Variants in UBAP2 observed in about 807,000 individuals in gnomAD.
UBAP2 encodes the protein ubiquitin-associated protein 2.
In UBAP2, 75 loss-of-function variants were observed where a neutral mutation model predicts 139.6. The observed-to-expected ratio is 0.54, with a 90% confidence interval of 0.45 to 0.65. UBAP2 has a LOEUF of 0.65. UBAP2 is among the 30% of genes least tolerant of loss of function. UBAP2 has a pLI of 0.00. For missense variants in UBAP2, 1,368 were observed against 1,369.6 expected (o/e 1.00, Z 0.02); for synonymous variants, 526 against 526.2 (o/e 1.00, Z 0.01).
chr9:34,013,288 G>T (rs546254161), intron 2 of UBAP2, among the ~76,000 whole-genome samples: 1 of 151,746 alleles, frequency 6.6e-6, no homozygotes, highest in Non-Finnish European at 1.5e-5. Flanking sequence ...AGTGGCTCAC[G>T]CCTGTAATCC....
At chr9:33,960,340 G>T (rs545586455) in intron 10 of UBAP2, among the ~76,000 whole-genome samples, 1 of 152,036 alleles carries the variant, frequency 6.6e-6, no homozygotes, top group East Asian at 1.9e-4. Flanking sequence ...GAAAATCTAA[G>T]TTCCTTTTAA....
chr9:34,034,373 T>C (rs1826145198), intron 1 of UBAP2, among the ~76,000 whole-genome samples: 1 of 152,204 alleles, frequency 6.6e-6, no homozygotes, highest in African/African-American at 2.4e-5. Context: ...ACATCCTTAT[T>C]ACTTAATCAC....
At chr9:33,979,613 T>C (rs1161651290) in intron 6 of UBAP2, among the ~76,000 whole-genome samples, 1 of 151,968 alleles carries the variant, frequency 6.6e-6, no homozygotes, top group Non-Finnish European at 1.5e-5. Context: ...CCAGGTGCGG[T>C]GGCTCATGCC....
At chr9:33,936,665 C>CAAAT (rs755139390) in intron 16 of UBAP2, among the ~76,000 whole-genome samples, 4 of 151,906 alleles carry the variant, frequency 2.6e-5, no homozygotes, top group African/African-American at 4.8e-5. Flanking sequence ...CAAAACAAAA[C>CAAAT]AAATAAATAA....
intron 12 of UBAP2, among the ~76,000 whole-genome samples, chr9:33,950,654 C>T (rs1229061641): frequency 6.6e-6 from 1 of 152,172 alleles, no homozygotes; most frequent in South Asian, 2.1e-4. Flanking sequence ...TGCAAAAATC[C>T]AGCTCAAGCC....
intron 1 of UBAP2, among the ~76,000 whole-genome samples, chr9:34,039,266 G>A (rs561917514): frequency 1.6e-4 from 23 of 144,592 alleles, no homozygotes; most frequent in African/African-American, 5.4e-4. Flanking sequence ...CGCCCCGTCC[G>A]AGAGGTGGGG....
At chr9:33,928,142 G>C (rs889801101) in intron 19 of UBAP2, 150 bp from the exon 20 acceptor site, 7 of 725,188 alleles carry the variant, frequency 9.7e-6, no homozygotes, top group Non-Finnish European at 1.6e-5. Context: ...GAGAGGCTCT[G>C]TGCTCAGTGC....
At chr9:33,927,764 G>A (rs1488472004) in intron 20 of UBAP2, 33 bp downstream of exon 20, 2 of 1,580,004 alleles carry the variant, frequency 1.3e-6, no homozygotes, top group South Asian at 2.4e-5. Context: ...GAGGGGCTCA[G>A]GGGTGGGCAG....
chr9:33,935,988 T>C, intron 16 of UBAP2, 110 bp from the exon 17 acceptor site: 1 of 1,022,656 alleles, frequency 9.8e-7, no homozygotes, highest in Non-Finnish European at 1.4e-6. Flanking sequence ...CAATTATCTC[T>C]TTTATTCTAT....
chr9:33,980,216 A>ATTTT (rs1554686508), intron 6 of UBAP2, among the ~76,000 whole-genome samples: 8 of 77,310 alleles, frequency 1.0e-4, no homozygotes, highest in East Asian at 4.8e-4. Flanking sequence ...CCTGAGTGTC[A>ATTTT]TTTCTTTTTT....
At chr9:33,971,801 C>T in intron 7 of UBAP2, 47 bp from the exon 8 acceptor site, 2 of 1,153,998 alleles carry the variant, frequency 1.7e-6, no homozygotes, top group South Asian at 1.2e-5. Context: ...AAGCAAACAC[C>T]TAAGCCAAAA....
chr9:33,927,750 C>A (rs1289969093), intron 20 of UBAP2, 47 bp downstream of exon 20: 3 of 1,556,058 alleles, frequency 1.9e-6, no homozygotes. Context: ...AAGCAGGCAC[C>A]TTTGAGGGGC....
intron 10 of UBAP2, among the ~76,000 whole-genome samples, chr9:33,960,523 C>G (rs1409204391): frequency 6.6e-6 from 1 of 152,088 alleles, no homozygotes; most frequent in Admixed American, 6.5e-5. Flanking sequence ...CGCCTATAAT[C>G]CCAGCACTTT....
At chr9:33,988,921 G>A (rs72727392) in intron 5 of UBAP2, 52 bp downstream of exon 5, 151,116 of 1,563,812 alleles carry the variant, frequency 0.097, 8,562 homozygotes, top group Non-Finnish European at 0.11. Context: ...GAGGCGGGAG[G>A]GTCACTTGAG....
At chr9:33,952,465 C>A (rs1290301483) in intron 12 of UBAP2, among the ~76,000 whole-genome samples, 1 of 152,058 alleles carries the variant, frequency 6.6e-6, no homozygotes, top group Non-Finnish European at 1.5e-5. Context: ...ACTATAAGGG[C>A]CTCTGTTAAT....
At chr9:33,962,275 A>C (rs543471345) in intron 9 of UBAP2, among the ~76,000 whole-genome samples, 1 of 152,338 alleles carries the variant, frequency 6.6e-6, no homozygotes, top group South Asian at 2.1e-4. Flanking sequence ...TGTACAGTTA[A>C]TGTAGTAAGT....
At chr9:34,031,879 G>T (rs1365902626) in intron 1 of UBAP2, among the ~76,000 whole-genome samples, 2 of 152,032 alleles carry the variant, frequency 1.3e-5, no homozygotes, top group African/African-American at 4.8e-5. Flanking sequence ...GTTCATGCCC[G>T]TAATCTCAAC....
intron 11 of UBAP2, among the ~76,000 whole-genome samples, chr9:33,955,736 AG>A: frequency 6.6e-6 from 1 of 151,770 alleles, no homozygotes; most frequent in South Asian, 2.1e-4. Flanking sequence ...TTGAGGCAGG[AG>A]AATCACTTGA....
At chr9:34,004,151 C>T (rs1358293477) in intron 2 of UBAP2, among the ~76,000 whole-genome samples, 1 of 152,162 alleles carries the variant, frequency 6.6e-6, no homozygotes, top group Non-Finnish European at 1.5e-5. Flanking sequence ...AAGATATATA[C>T]TCAACGAGCA....
Sources: gnomAD v4.1 joint callset for allele counts (sites outside exome capture counted in the v4.1 genomes callset) on GRCh38, gnomAD v4.1.1 for gene constraint, MANE v1.5 for transcripts, NCBI Gene and HGNC (gene_info 2026-07-23, HGNC 2026-07-21) for gene names.